CAMKMT: variants seen among roughly 807,000 people sequenced by gnomAD.
CAMKMT encodes calmodulin-lysine N-methyltransferase, also known as CaM KMT.
In CAMKMT, 53 loss-of-function variants were observed where a neutral mutation model predicts 48.0. That is an observed-to-expected ratio of 1.10 (90% CI 0.89 to 1.39). The LOEUF (loss-of-function observed/expected upper bound fraction) is 1.39, where lower values mean the gene tolerates loss of function less well. Among genes scored for constraint, CAMKMT ranks in the 40% most tolerant of loss-of-function variants. CAMKMT has a pLI of 0.00. For missense variants in CAMKMT, 428 were observed against 402.7 expected, an observed-to-expected ratio of 1.06 and a Z score of -0.54; for synonymous variants, 165 against 152.3, an observed-to-expected ratio of 1.08 and a Z score of -0.61.
chr2:44,505,282 A>G (rs1670203300), intron 3 of CAMKMT, among the ~76,000 whole-genome samples: 1 of 152,200 alleles, frequency 6.6e-6, no homozygotes, highest in Non-Finnish European at 1.5e-5. Flanking sequence ...AATATATTCT[A>G]CATGCTACTC....
At chr2:44,683,133 G>A (rs1421816224) in intron 3 of CAMKMT, among the ~76,000 whole-genome samples, 1 of 151,990 alleles carries the variant, frequency 6.6e-6, no homozygotes, top group Non-Finnish European at 1.5e-5. Flanking sequence ...GAATGTATCT[G>A]TAGCCTCTTC....
chr2:44,393,423 G>C (rs1277060151), intron 3 of CAMKMT: 1 of 152,142 alleles, frequency 6.6e-6, no homozygotes, highest in Non-Finnish European at 1.5e-5. Flanking sequence ...TCTGCGTATT[G>C]ATTTATTGCT....
chr2:44,407,093 TC>T (rs1682833561), intron 3 of CAMKMT, among the ~76,000 whole-genome samples: 1 of 152,188 alleles, frequency 6.6e-6, no homozygotes, highest in African/African-American at 2.4e-5. Flanking sequence ...GGAGATTAAG[TC>T]AATTTAGGCA....
At chr2:44,581,092 T>C (rs562056794) in intron 3 of CAMKMT, among the ~76,000 whole-genome samples, 7 of 152,142 alleles carry the variant, frequency 4.6e-5, no homozygotes, top group Non-Finnish European at 8.8e-5. Flanking sequence ...ACTACACAAA[T>C]GTCAGAATAT....
intron 9 of CAMKMT, among the ~76,000 whole-genome samples, chr2:44,762,285 C>T (rs548392978): frequency 6.6e-6 from 1 of 152,194 alleles, no homozygotes; most frequent in Non-Finnish European, 1.5e-5. Context: ...GCCAAGAGTT[C>T]AAGAGCAGCC....
intron 3 of CAMKMT, among the ~76,000 whole-genome samples, chr2:44,619,006 A>T (rs772146583): frequency 2.0e-5 from 3 of 152,202 alleles, no homozygotes; most frequent in Non-Finnish European, 2.9e-5. Context: ...GGGGATTAGG[A>T]AGGGCACTAT....
At chr2:44,418,695 C>T (rs1235065988) in intron 3 of CAMKMT, among the ~76,000 whole-genome samples, 4 of 152,074 alleles carry the variant, frequency 2.6e-5, no homozygotes, top group African/African-American at 4.8e-5. Flanking sequence ...AATTTGTTTT[C>T]GTTTTTTCAA....
At chr2:44,398,562 CTTTTCTTTT>C (rs1682066845) in intron 3 of CAMKMT, among the ~76,000 whole-genome samples, 1 of 111,524 alleles carries the variant, frequency 9.0e-6, no homozygotes, top group Non-Finnish European at 1.8e-5. Flanking sequence ...TTTTTCTTTT[CTTTTCTTTT>C]TTTTTTTTTT....
intron 3 of CAMKMT, among the ~76,000 whole-genome samples, chr2:44,672,370 A>C (rs1300108907): frequency 2.0e-5 from 3 of 152,016 alleles, no homozygotes; most frequent in Admixed American, 6.6e-5. Context: ...TTGAAATGCC[A>C]CTTTTCTAGT....
At chr2:44,680,057 G>A (rs1349539455) in intron 3 of CAMKMT, among the ~76,000 whole-genome samples, 1 of 152,214 alleles carries the variant, frequency 6.6e-6, no homozygotes, top group Non-Finnish European at 1.5e-5. Flanking sequence ...CAGGGTGCCA[G>A]TGTGTCTGTG....
At chr2:44,746,782 T>G (rs567540131) in intron 8 of CAMKMT, among the ~76,000 whole-genome samples, 20 of 152,344 alleles carry the variant, frequency 1.3e-4, no homozygotes, top group African/African-American at 4.3e-4. Context: ...TTGAGTTTAA[T>G]ATAAGGATTC....
chr2:44,538,639 G>T (rs1276847684), intron 3 of CAMKMT, among the ~76,000 whole-genome samples: 2 of 152,030 alleles, frequency 1.3e-5, no homozygotes, highest in African/African-American at 2.4e-5. Context: ...TGGGGTGGGG[G>T]TGATAGATAA....
rs568545023 is a variant in CAMKMT at position 44,557,867 on chromosome 2, C to T, written c.377-146416C>T. Among the ~76,000 whole-genome samples, 18 of 152,236 alleles carry T rather than the reference C, an allele frequency of 1.2e-4. No homozygotes were observed. The East Asian group carries it at 3.5e-3, about 29-fold the overall frequency. ...AGGAAGTTTAAGATTAACCATTGCTCTCTGCTCTGTATCAATTTAGGTTGG... is the reference window on the plus strand; with the variant it reads ...AGGAAGTTTAAGATTAACCATTGCTTTCTGCTCTGTATCAATTTAGGTTGG... On this transcript the variant is annotated intron_variant, in intron 3 of 10. Coordinates refer to ENST00000378494, the MANE Select transcript of CAMKMT (RefSeq NM_024766.5).
chr2:44,466,411 C>T (rs963583419), intron 3 of CAMKMT, among the ~76,000 whole-genome samples: 30 of 152,120 alleles, frequency 2.0e-4, no homozygotes, highest in African/African-American at 7.0e-4. Flanking sequence ...GATTAATCAA[C>T]ACACTCTTGA....
At chr2:44,725,699 A>G (rs181237479) in intron 7 of CAMKMT, among the ~76,000 whole-genome samples, 8 of 152,344 alleles carry the variant, frequency 5.3e-5, no homozygotes, top group Non-Finnish European at 1.2e-4. Context: ...GTGTCCAGCC[A>G]GATTTAGCTA....
chr2:44,679,436 T>C (rs1675893801), intron 3 of CAMKMT, among the ~76,000 whole-genome samples: 1 of 152,164 alleles, frequency 6.6e-6, no homozygotes, highest in South Asian at 2.1e-4. Context: ...GTCTTTGAAC[T>C]TCTGAGTGGA....
intron 3 of CAMKMT, among the ~76,000 whole-genome samples, chr2:44,685,097 G>C (rs993487511): frequency 6.6e-6 from 1 of 151,896 alleles, no homozygotes; most frequent in African/African-American, 2.4e-5. Flanking sequence ...TGAGGTCCCT[G>C]TCCTCAAGCA....
intron 6 of CAMKMT, among the ~76,000 whole-genome samples, chr2:44,715,063 C>T (rs1678098616): frequency 6.6e-6 from 1 of 151,958 alleles, no homozygotes; most frequent in Non-Finnish European, 1.5e-5. Flanking sequence ...TGTGGTGGCT[C>T]ATGCCTTTAG....
intron 2 of CAMKMT, among the ~76,000 whole-genome samples, chr2:44,376,830 A>G (rs1387643607): frequency 7.2e-5 from 11 of 152,216 alleles, no homozygotes; most frequent in Non-Finnish European, 1.6e-4. Context: ...ATCTGAAGCT[A>G]AAGTTTAAAC....
Sources: gnomAD v4.1 joint callset for allele counts (sites outside exome capture counted in the v4.1 genomes callset) on GRCh38, gnomAD v4.1.1 for gene constraint, MANE v1.5 for transcripts, NCBI Gene and HGNC (gene_info 2026-07-23, HGNC 2026-07-21) for gene names.